The following KCNH7 variants were observed in gnomAD, a reference collection of about 807,000 sequenced individuals.
KCNH7 encodes voltage-gated inwardly rectifying potassium channel KCNH7.
Under a neutral mutation model 120.8 loss-of-function variants are expected in KCNH7, and 49 were observed. The observed-to-expected ratio is 0.41, with a 90% CI of 0.32 to 0.51. The LOEUF (loss-of-function observed/expected upper bound fraction) is 0.51, where lower values mean the gene tolerates loss of function less well. KCNH7 is among the 20% of genes least tolerant of loss of function. The pLI, the probability that KCNH7 is intolerant of heterozygous loss-of-function variation, is 0.38. For missense variants in KCNH7, 1,097 were observed against 1,446.6 expected, an observed-to-expected ratio of 0.76 and a Z score of 3.92; for synonymous variants, 547 against 516.1, an observed-to-expected ratio of 1.06 and a Z score of -0.81.
At chr2:162,491,111 G>A (rs1301216226) in intron 6 of KCNH7, among the ~76,000 whole-genome samples, 2 of 152,150 alleles carry the variant, frequency 1.3e-5, no homozygotes, top group Non-Finnish European at 2.9e-5. Context: ...GCAGCCTGTT[G>A]GCCAGCATTT....
intron 2 of KCNH7, among the ~76,000 whole-genome samples, chr2:162,771,099 A>T (rs1683035569): frequency 6.6e-6 from 1 of 152,108 alleles, no homozygotes; most frequent in South Asian, 2.1e-4. Context: ...TCTTGCTTAG[A>T]CTATTGTAGT....
intron 2 of KCNH7, among the ~76,000 whole-genome samples, chr2:162,805,145 T>C (rs189808125): frequency 6.6e-6 from 1 of 151,782 alleles, no homozygotes; most frequent in East Asian, 1.9e-4. Context: ...AGGACAACCC[T>C]GGAAAAACTC....
At chr2:162,785,150 T>C (rs980121604) in intron 2 of KCNH7, 1 of 152,198 alleles carries the variant, frequency 6.6e-6, no homozygotes, top group Non-Finnish European at 1.5e-5. Context: ...GTCTTTTCTA[T>C]TCAAAGATAG....
intron 2 of KCNH7, among the ~76,000 whole-genome samples, chr2:162,791,923 T>C (rs1053964398): frequency 1.2e-4 from 18 of 152,260 alleles, no homozygotes; most frequent in African/African-American, 4.1e-4. Flanking sequence ...GGGTTTGCCA[T>C]AGATGGCTCT....
At chr2:162,529,639 T>C (rs1431950853) in intron 3 of KCNH7, among the ~76,000 whole-genome samples, 1 of 151,990 alleles carries the variant, frequency 6.6e-6, no homozygotes, top group Non-Finnish European at 1.5e-5. Flanking sequence ...ATTAATCACG[T>C]AAACAAGAAT....
chr2:162,807,092 T>C (rs1410293213), intron 2 of KCNH7, among the ~76,000 whole-genome samples: 1 of 151,120 alleles, frequency 6.6e-6, no homozygotes, highest in Non-Finnish European at 1.5e-5. Flanking sequence ...GACCACTAGA[T>C]ACTCTTTTGC....
chr2:162,673,714 A>C (rs1259162276), intron 2 of KCNH7, among the ~76,000 whole-genome samples: 1 of 152,114 alleles, frequency 6.6e-6, no homozygotes, highest in Non-Finnish European at 1.5e-5. Flanking sequence ...AACATGAGGA[A>C]TAAATGAGTG....
chr2:162,427,440 T>C (rs1156970818), intron 8 of KCNH7, among the ~76,000 whole-genome samples: 1 of 152,076 alleles, frequency 6.6e-6, no homozygotes, highest in African/African-American at 2.4e-5. Context: ...AGAGTTTTAA[T>C]GTGCATTTTC....
At chr2:162,460,346 T>G (rs996004455) in intron 6 of KCNH7, among the ~76,000 whole-genome samples, 1 of 152,140 alleles carries the variant, frequency 6.6e-6, no homozygotes, top group African/African-American at 2.4e-5. Flanking sequence ...TGGTGCCCTA[T>G]GTCAGCTTAC....
intron 2 of KCNH7, among the ~76,000 whole-genome samples, chr2:162,696,672 G>A (rs949541773): frequency 2.0e-5 from 3 of 151,986 alleles, no homozygotes; most frequent in Admixed American, 6.6e-5. Flanking sequence ...TTGATTCTAG[G>A]TTTAGAGCAA....
At chr2:162,491,167 C>T (rs1306077389) in intron 6 of KCNH7, among the ~76,000 whole-genome samples, 1 of 152,240 alleles carries the variant, frequency 6.6e-6, no homozygotes, top group East Asian at 1.9e-4. Flanking sequence ...AGCCTTTCCT[C>T]CTCTGGTTGA....
At chr2:162,741,197 A>ATTATACATATTAATAACATATGTTATTAG (rs1559110271) in intron 2 of KCNH7, among the ~76,000 whole-genome samples, 1 of 129,946 alleles carries the variant, frequency 7.7e-6, no homozygotes, top group Non-Finnish European at 1.5e-5. Context: ...TATGTTATTA[A>ATTATACATATTAATAACATATGTTATTAG]TTATACATAT....
chr2:162,511,655 T>G (rs1363218431), intron 5 of KCNH7, among the ~76,000 whole-genome samples: 1 of 151,618 alleles, frequency 6.6e-6, no homozygotes, highest in East Asian at 2.0e-4. Context: ...GACCAAACAT[T>G]TTTGCTCCCT....
At chr2:162,560,232 G>A (rs1269846286) in intron 2 of KCNH7, among the ~76,000 whole-genome samples, 1 of 152,192 alleles carries the variant, frequency 6.6e-6, no homozygotes, top group Non-Finnish European at 1.5e-5. Context: ...GTGTCTGGAA[G>A]TTATATTTCT....
rs971072959 is a variant in KCNH7, at chr2:162,435,740, G to A, written c.1555-143C>T. The A allele has an allele frequency of 3.8e-6, 3 of 788,090 alleles. No homozygotes were observed. The South Asian group carries it at 7.7e-5, about 20-fold the overall frequency. 48.8% of individuals were successfully genotyped at this position (788,090 alleles called of 1,614,324 possible). On this transcript the variant is annotated intron_variant, in intron 7 of 15. Transcript: ENST00000332142. Reference sequence around the variant, plus strand: ...CTATTTAAATTCAGTATTAAACTTGGTTCTTTTTTTTTTATGTGATACCTG... The same window carrying A: ...CTATTTAAATTCAGTATTAAACTTGATTCTTTTTTTTTTATGTGATACCTG...
rs1339008735 is a variant in KCNH7 at position 162,423,410 on chromosome 2, T to C, written c.2080A>G (p.Asn694Asp). Reference protein sequence around the residue: ...KEFIRFHQIPNPLRQRLEEYF... With the variant: ...KEFIRFHQIPDPLRQRLEEYF... ...TCTTCAAGACGTTGCCTCAGAGGGT[T>C]GGGGATTTGGTGAAAGCGAATGAAC... The change falls in exon 9 of 16, where the codon AAC (asparagine) becomes GAC (aspartate). Residue 694 changes from asparagine to aspartate, a missense_variant. This residue lies in a region of KCNH7 where 24 missense variants were observed against 105.8 expected (regional missense o/e 0.23). Coordinates refer to ENST00000332142, the MANE Select transcript of KCNH7 (RefSeq NM_033272.4). The C allele has an allele frequency of 1.2e-6, 2 of 1,613,996 alleles. No homozygotes were observed. The highest frequency in any genetic ancestry group is 1.7e-6 in the Non-Finnish European group (2 of 1,179,988).
intron 2 of KCNH7, among the ~76,000 whole-genome samples, chr2:162,810,668 A>G (rs1238280646): frequency 1.3e-5 from 2 of 152,118 alleles, no homozygotes; most frequent in Non-Finnish European, 2.9e-5. Flanking sequence ...CTCTTGGGAG[A>G]CTTGGTGAGT....
Position 162,680,926 on chromosome 2 carries a change from C to A in KCNH7, c.308-143846G>T, listed in dbSNP as rs139862114. Among the ~76,000 whole-genome samples the A allele has an allele frequency of 7.9e-4, 120 of 151,810 alleles. 1 individual carries two copies. Among genetic ancestry groups the A allele is most frequent in the African/African-American group, 2.4e-3 (100 of 41,494 alleles). ...CTTCAGGTTACAGAGTAGAGCATGA[C>A]TGAGGGTTATCATGCTAATGTATAT... On this transcript the variant is annotated intron_variant, in intron 2 of 15. Transcript: ENST00000332142.
chr2:162,629,044 C>T (rs765969796), intron 2 of KCNH7, among the ~76,000 whole-genome samples: 10 of 152,124 alleles, frequency 6.6e-5, no homozygotes, highest in Non-Finnish European at 1.0e-4. Flanking sequence ...CCACCCACAC[C>T]ATCACCACAT....
Sources: gnomAD v4.1 joint callset for allele counts (sites outside exome capture counted in the v4.1 genomes callset) on GRCh38, gnomAD v4.1.1 for gene constraint, gnomAD v4.1.1 regional missense constraint, MANE v1.5 for transcripts, NCBI Gene and HGNC (gene_info 2026-07-23, HGNC 2026-07-21) for gene names.